The following KCNT2 variants were observed in gnomAD, a reference collection of about 807,000 sequenced individuals.
KCNT2 encodes potassium sodium-activated channel subfamily T member 2.
Under a neutral mutation model 153.8 loss-of-function variants are expected in KCNT2, and 67 were observed. The observed-to-expected ratio is 0.44, with a 90% CI of 0.36 to 0.53. The LOEUF (loss-of-function observed/expected upper bound fraction) is 0.53. Among genes scored for constraint, KCNT2 ranks in the 20% least tolerant of loss-of-function variants. The pLI is 0.00. For synonymous variants in KCNT2, 500 were observed against 458.8 expected (o/e 1.09, Z -1.15); for missense variants, 975 against 1,354.8 (o/e 0.72, Z 4.40).
intron 14 of KCNT2, among the ~76,000 whole-genome samples, chr1:196,367,346 C>A (rs1258161482): frequency 1.3e-5 from 2 of 152,050 alleles, no homozygotes; most frequent in Non-Finnish European, 2.9e-5. Context: ...CTTCGTGGTA[C>A]TTCACATGTA....
intron 8 of KCNT2, among the ~76,000 whole-genome samples, 176 bp downstream of exon 8, chr1:196,465,117 T>G (rs568325182): frequency 1.3e-5 from 2 of 152,146 alleles, no homozygotes; most frequent in South Asian, 4.1e-4. Context: ...TATTATTTTT[T>G]AAGACTGAAG....
chr1:196,305,097 G>T, intron 22 of KCNT2, 137 bp downstream of exon 22: 1 of 619,106 alleles, frequency 1.6e-6, no homozygotes. Context: ...TTATCAATTA[G>T]AATTTCATCT....
At chr1:196,356,294 A>G (rs1388792183) in intron 14 of KCNT2, among the ~76,000 whole-genome samples, 1 of 151,758 alleles carries the variant, frequency 6.6e-6, no homozygotes, top group Admixed American at 6.6e-5. Flanking sequence ...CCTGCCCTGC[A>G]CTTAGTCTGA....
chr1:196,444,096 AAG>A (rs762728727), intron 8 of KCNT2, among the ~76,000 whole-genome samples: 3 of 150,964 alleles, frequency 2.0e-5, no homozygotes, highest in Admixed American at 6.6e-5. Context: ...CAAAAAACAT[AAG>A]AGAGAGAGAG....
At chr1:196,421,421 GC>G (rs973260494) in intron 12 of KCNT2, among the ~76,000 whole-genome samples, 8 of 151,928 alleles carry the variant, frequency 5.3e-5, no homozygotes, top group Admixed American at 5.3e-4. Context: ...ACTCGAGGGG[GC>G]ACAACACTCA....
intron 12 of KCNT2, among the ~76,000 whole-genome samples, chr1:196,409,959 T>C (rs1370306092): frequency 6.6e-6 from 1 of 151,704 alleles, no homozygotes; most frequent in East Asian, 1.9e-4. Context: ...ATCAACTCTT[T>C]TTATCTTGAT....
intron 16 of KCNT2, among the ~76,000 whole-genome samples, chr1:196,335,198 T>C (rs1421836034): frequency 5.3e-5 from 8 of 152,154 alleles, no homozygotes; most frequent in Admixed American, 5.2e-4. Context: ...TTGCTAGTCT[T>C]TGCTTTGTCC....
At chr1:196,297,922 G>A (rs1019676187) in intron 22 of KCNT2, among the ~76,000 whole-genome samples, 18 of 152,074 alleles carry the variant, frequency 1.2e-4, no homozygotes, top group Non-Finnish European at 2.5e-4. Context: ...CTAGAATTCA[G>A]CAAGGCATTT....
At chr1:196,294,939 G>A (rs986354199) in intron 22 of KCNT2, among the ~76,000 whole-genome samples, 9 of 151,394 alleles carry the variant, frequency 5.9e-5, no homozygotes, top group African/African-American at 1.9e-4. Context: ...AGAGTGCAAC[G>A]TTTCAGTTAA....
At chr1:196,492,060 A>C (rs1327686346) in intron 2 of KCNT2, among the ~76,000 whole-genome samples, 3 of 152,120 alleles carry the variant, frequency 2.0e-5, no homozygotes, top group African/African-American at 7.2e-5. Context: ...AAGCATTAAT[A>C]TCACTATATG....
At chr1:196,515,428 A>T (rs1469405471) in intron 1 of KCNT2, among the ~76,000 whole-genome samples, 1 of 151,818 alleles carries the variant, frequency 6.6e-6, no homozygotes, top group Admixed American at 6.6e-5. Context: ...TTATGAAAAT[A>T]TGCATATTTC....
intron 16 of KCNT2, among the ~76,000 whole-genome samples, chr1:196,338,270 T>C (rs1665232010): frequency 1.3e-5 from 2 of 151,924 alleles, no homozygotes; most frequent in African/African-American, 4.8e-5. Flanking sequence ...GTGAAAAAAA[T>C]ATATTAGTGA....
At chr1:196,546,552 C>T (rs1657130500) in intron 1 of KCNT2, among the ~76,000 whole-genome samples, 1 of 151,950 alleles carries the variant, frequency 6.6e-6, no homozygotes, top group Admixed American at 6.6e-5. Context: ...TCAGAACATG[C>T]CTTAGTCTTG....
intron 26 of KCNT2, among the ~76,000 whole-genome samples, chr1:196,244,816 C>T (rs1371640362): frequency 2.6e-5 from 4 of 152,040 alleles, no homozygotes; most frequent in Admixed American, 2.6e-4. Context: ...CTGGTTTTGC[C>T]ACCTTCTGTT....
At chr1:196,415,164 A>G (rs1249716415) in intron 12 of KCNT2, among the ~76,000 whole-genome samples, 1 of 151,874 alleles carries the variant, frequency 6.6e-6, no homozygotes, top group African/African-American at 2.4e-5. Context: ...AAAATGATAC[A>G]AACAAAACAA....
At chr1:196,321,356 T>C (rs989192981) in intron 19 of KCNT2, among the ~76,000 whole-genome samples, 3 of 151,760 alleles carry the variant, frequency 2.0e-5, no homozygotes, top group Admixed American at 2.0e-4. Context: ...TGTCTTGAGG[T>C]CACTGTGGAC....
intron 25 of KCNT2, among the ~76,000 whole-genome samples, chr1:196,273,101 C>T (rs1054588572): frequency 6.6e-6 from 1 of 151,778 alleles, no homozygotes; most frequent in South Asian, 2.1e-4. Flanking sequence ...TAAGGGTTCT[C>T]CTGCATAGTA....
At chr1:196,405,761 A>G (rs758448901) in intron 12 of KCNT2, among the ~76,000 whole-genome samples, 3 of 151,548 alleles carry the variant, frequency 2.0e-5, no homozygotes, top group Admixed American at 6.6e-5. Flanking sequence ...TACTTTGAGT[A>G]TATCTTGCTA....
At chr1:196,435,160 TATATATATA>T (rs1232058254) in intron 8 of KCNT2, among the ~76,000 whole-genome samples, 1 of 116,304 alleles carries the variant, frequency 8.6e-6, no homozygotes, top group African/African-American at 2.9e-5. Context: ...TATATATATA[TATATATATA>T]TATATATATA....
Sources: gnomAD v4.1 joint callset for allele counts (sites outside exome capture counted in the v4.1 genomes callset) on GRCh38, gnomAD v4.1.1 for gene constraint, MANE v1.5 for transcripts, NCBI Gene and HGNC (gene_info 2026-07-23, HGNC 2026-07-21) for gene names.